The following CCDC192 variants were observed in gnomAD, a reference collection of about 807,000 sequenced individuals.
CCDC192 encodes coiled-coil domain containing 192, also known as coiled-coil domain-containing protein 192.
chr5:127,915,720 T>C (rs1753502379), intron 6 of CCDC192, among the ~76,000 whole-genome samples: 1 of 150,026 alleles, frequency 6.7e-6, no homozygotes, highest in Non-Finnish European at 1.5e-5. Flanking sequence ...GAGATTTCTT[T>C]TGCAATTTTT....
chr5:127,710,942 G>T (rs758124879), intron 2 of CCDC192, among the ~76,000 whole-genome samples: 5 of 152,108 alleles, frequency 3.3e-5, no homozygotes, highest in African/African-American at 4.8e-5. Context: ...TATTCTTTGG[G>T]CCTGCTGGAG....
chr5:127,863,478 A>G (rs959992630), intron 5 of CCDC192, among the ~76,000 whole-genome samples: 1 of 152,232 alleles, frequency 6.6e-6, no homozygotes, highest in African/African-American at 2.4e-5. Context: ...GTGTGATTCC[A>G]CTTATATGAG....
chr5:127,702,945 G>A (rs1306601624), upstream of CCDC192, among the ~76,000 whole-genome samples: 2 of 152,226 alleles, frequency 1.3e-5, no homozygotes, highest in Non-Finnish European at 2.9e-5. Context: ...TAGGAAAGAA[G>A]CTTTCATGAG....
At chr5:127,856,238 T>C (rs1319898323) in intron 5 of CCDC192, among the ~76,000 whole-genome samples, 5 of 152,242 alleles carry the variant, frequency 3.3e-5, no homozygotes, top group Admixed American at 2.6e-4. Flanking sequence ...CCTTACACTT[T>C]CATGTTATGG....
At position 127,866,805 on chromosome 5, in the gene CCDC192, C is replaced by T. The variant is rs544713533; in HGVS notation, c.412-8733C>T. Among the ~76,000 whole-genome samples, 5 of 152,154 alleles carry T rather than the reference C, an allele frequency of 3.3e-5. No individual in the cohort carries two copies. The South Asian group carries it at 8.3e-4, about 25-fold the overall frequency. On this transcript the variant is annotated intron_variant, in intron 5 of 6. Coordinates refer to ENST00000514853, the MANE Select transcript of CCDC192 (RefSeq NM_001317938.2). ...CTATAAATGTCTAAATTAACTCTGC[C>T]ACAAGAAAGCTGCAGTTTTTAAAAA...
intron 5 of CCDC192, among the ~76,000 whole-genome samples, chr5:127,845,555 G>A (rs925125190): frequency 2.6e-5 from 4 of 152,170 alleles, no homozygotes; most frequent in African/African-American, 9.6e-5. Flanking sequence ...GAGGCTCAGA[G>A]GAAAAACAAA....
At chr5:127,856,255 C>T (rs1467842448) in intron 5 of CCDC192, among the ~76,000 whole-genome samples, 1 of 152,210 alleles carries the variant, frequency 6.6e-6, no homozygotes, top group Non-Finnish European at 1.5e-5. Flanking sequence ...ATGGAGACAG[C>T]TTCATTCCTT....
At chr5:127,939,457 C>T (rs1754305900) in intron 6 of CCDC192, among the ~76,000 whole-genome samples, 1 of 152,068 alleles carries the variant, frequency 6.6e-6, no homozygotes, top group South Asian at 2.1e-4. Flanking sequence ...TAATATTAAA[C>T]ATTCTAACAA....
At chr5:127,757,806 T>A (rs962476179) in intron 3 of CCDC192, among the ~76,000 whole-genome samples, 1,639 of 143,412 alleles carry the variant, frequency 0.011, 22 homozygotes, top group African/African-American at 0.042. Context: ...ACACTCTCTC[T>A]CTCTCTCTCT....
intron 5 of CCDC192, among the ~76,000 whole-genome samples, chr5:127,850,498 A>T (rs890643110): frequency 6.6e-6 from 1 of 152,182 alleles, no homozygotes. Context: ...TCTCCATTCT[A>T]TAGGTCTTCA....
intron 2 of CCDC192, among the ~76,000 whole-genome samples, chr5:127,729,858 T>C (rs973766754): frequency 1.3e-5 from 2 of 152,096 alleles, no homozygotes; most frequent in Non-Finnish European, 2.9e-5. Context: ...ATCTCTGGGA[T>C]GCAGCTACAG....
chr5:127,847,331 T>C (rs1419423641), intron 5 of CCDC192, among the ~76,000 whole-genome samples: 1 of 152,236 alleles, frequency 6.6e-6, no homozygotes, highest in African/African-American at 2.4e-5. Flanking sequence ...TCCAAGAAGC[T>C]TCTTCCCTTG....
chr5:127,862,764 A>G (rs916015555), intron 5 of CCDC192, among the ~76,000 whole-genome samples: 4 of 152,132 alleles, frequency 2.6e-5, no homozygotes, highest in African/African-American at 9.7e-5. Context: ...AAGGTTTCCT[A>G]TTTCTTATAC....
intron 6 of CCDC192, among the ~76,000 whole-genome samples, chr5:127,880,690 A>G (rs980969821): frequency 5.9e-5 from 9 of 152,216 alleles, no homozygotes; most frequent in Admixed American, 1.3e-4. Flanking sequence ...AAGTTAAAAT[A>G]TAGTATAGGC....
At chr5:127,727,636 C>T (rs58626460) in intron 2 of CCDC192, among the ~76,000 whole-genome samples, 2,456 of 152,232 alleles carry the variant, frequency 0.016, 62 homozygotes, top group African/African-American at 0.056. Flanking sequence ...GCCTCTTCTG[C>T]TCCAAATGAT....
intron 5 of CCDC192, among the ~76,000 whole-genome samples, chr5:127,864,806 A>G (rs1303542372): frequency 3.3e-5 from 5 of 152,208 alleles, no homozygotes; most frequent in Non-Finnish European, 7.3e-5. Context: ...TTCACTTGCA[A>G]CATCACACTC....
At chr5:127,744,711 A>T (rs932984353) in intron 2 of CCDC192, among the ~76,000 whole-genome samples, 1 of 152,194 alleles carries the variant, frequency 6.6e-6, no homozygotes, top group Admixed American at 6.5e-5. Context: ...AAGTGTCCCC[A>T]TGGGTATTTT....
At chr5:127,831,125 A>G (rs1259591836) in intron 5 of CCDC192, among the ~76,000 whole-genome samples, 1 of 152,162 alleles carries the variant, frequency 6.6e-6, no homozygotes, top group African/African-American at 2.4e-5. Context: ...TTCTAATTCC[A>G]GTTGAGTTAG....
chr5:127,923,682 A>G (rs535226277), intron 6 of CCDC192, among the ~76,000 whole-genome samples: 1 of 151,860 alleles, frequency 6.6e-6, no homozygotes, highest in Admixed American at 6.6e-5. Context: ...CGGCCTTTTC[A>G]TTAGTCTTAA....
Sources: allele counts gnomAD v4.1 joint callset (sites outside exome capture counted in the v4.1 genomes callset), GRCh38; gene constraint gnomAD v4.1.1; transcripts MANE v1.5; gene names NCBI Gene and HGNC (gene_info 2026-07-23, HGNC 2026-07-21).